The following LRP8 variants were observed in gnomAD, a reference collection of about 807,000 sequenced individuals.
LRP8 encodes the protein LDL receptor related protein 8, also known as low-density lipoprotein receptor-related protein 8.
In LRP8, 46 loss-of-function variants were observed where a neutral mutation model predicts 111.6. The observed-to-expected ratio is 0.41, with a 90% CI of 0.33 to 0.53. The LOEUF (loss-of-function observed/expected upper bound fraction) is 0.53. LRP8 is among the 20% of genes least tolerant of loss of function. The probability of loss-of-function intolerance (pLI) is 0.20; values close to 1 mark genes in which losing one functional copy is unlikely to be tolerated. For missense variants in LRP8, 959 were observed against 1,297.4 expected (o/e 0.74, Z 4.01); for synonymous variants, 464 against 511.2 (o/e 0.91, Z 1.24).
chr1:53,248,370 G>A (rs570318651), intron 18 of LRP8, among the ~76,000 whole-genome samples: 1 of 152,270 alleles, frequency 6.6e-6, no homozygotes, highest in African/African-American at 2.4e-5. Flanking sequence ...CCAAAGATAG[G>A]CCCCAGTAGT....
intron 2 of LRP8, among the ~76,000 whole-genome samples, chr1:53,307,939 G>T (rs1652290732): frequency 6.6e-6 from 1 of 152,192 alleles, no homozygotes; most frequent in African/African-American, 2.4e-5. Context: ...CCTAGCAAGG[G>T]GCTGGGGTCA....
rs534424208 is a variant in LRP8, at chr1:53,243,410, T to C, written c.*3608A>G. ...ATATAAAAAATCTTTGACTCAAATA[T>C]ATGAAAAGCAGTCAGCATTTCCCTT... On this transcript the variant is annotated 3_prime_UTR_variant, in exon 19 of 19. Coordinates refer to ENST00000306052, the MANE Select transcript of LRP8 (RefSeq NM_004631.5). 1.3e-5 allele frequency: 2 copies of C among 152,342 alleles called. No homozygotes were observed. The highest frequency in any genetic ancestry group is 4.8e-5 in the African/African-American group (2 of 41,582). 9.4% of individuals were successfully genotyped at this position (152,342 alleles called of 1,614,324 possible). A position where few individuals can be genotyped will look rare whatever the true frequency, so the allele number is the denominator to read the frequency against.
chr1:53,296,173 C>T (rs1649678516), intron 2 of LRP8, among the ~76,000 whole-genome samples: 1 of 152,240 alleles, frequency 6.6e-6, no homozygotes, highest in Non-Finnish European at 1.5e-5. Context: ...GTCAGCCTTA[C>T]AGGCTCTGAC....
intron 8 of LRP8, chr1:53,267,975 C>A (rs1196506403): frequency 1.3e-5 from 2 of 152,374 alleles, no homozygotes; most frequent in South Asian, 4.1e-4. Context: ...CTTTGCCAAG[C>A]TAATGTGCTC....
Position 53,280,481 on chromosome 1 carries a change from C to A in LRP8, c.496+106G>T, listed in dbSNP as rs116935422. On this transcript the variant is annotated intron_variant, in intron 4 of 18. Transcript: ENST00000306052. Reference sequence around the variant, plus strand: ...CTGATCGTTATCCTTTCCTCTCCACCACCAAGCCCCACGGGGAACTGGGCC... The same window carrying A: ...CTGATCGTTATCCTTTCCTCTCCACAACCAAGCCCCACGGGGAACTGGGCC... 3,183 of 1,452,560 alleles carry A rather than the reference C, an allele frequency of 2.2e-3. 89 individuals are homozygous for A. The East Asian group carries it at 0.063, about 29-fold the overall frequency. The allele number at this position is 1,452,560 out of a possible 1,614,324, so 90.0% of individuals were successfully genotyped here.
chr1:53,263,600 G>A (rs1646430600), intron 10 of LRP8, among the ~76,000 whole-genome samples: 1 of 152,178 alleles, frequency 6.6e-6, no homozygotes, highest in South Asian at 2.1e-4. Context: ...AGGCAACAGG[G>A]GTAGGGATGG....
rs79266393 is a variant in LRP8 at position 53,327,274 on chromosome 1, T to C, written c.125-282A>G. 3.0e-3 allele frequency: 1,340 copies of C among 451,972 alleles called. 16 individuals are homozygous for C. Among genetic ancestry groups the C allele is most frequent in the African/African-American group, 0.024 (1,200 of 49,644 alleles). The allele number at this position is 451,972 out of a possible 1,614,324, so 28.0% of individuals were successfully genotyped here. ...CGCACTCACCCGCACACGCGACCCA[T>C]AGTCAGAGATCTGCTCAGATACAGC... On this transcript the variant is annotated intron_variant, in intron 1 of 18. Coordinates refer to ENST00000306052, the MANE Select transcript of LRP8 (RefSeq NM_004631.5).
At chr1:53,291,145 A>G (rs962199001) in intron 2 of LRP8, among the ~76,000 whole-genome samples, 1 of 152,100 alleles carries the variant, frequency 6.6e-6, no homozygotes, top group Non-Finnish European at 1.5e-5. Flanking sequence ...CTTCATCAGG[A>G]AAAGAGAGGG....
intron 16 of LRP8, among the ~76,000 whole-genome samples, chr1:53,251,113 G>C (rs888877970): frequency 1.3e-5 from 2 of 152,166 alleles, no homozygotes; most frequent in Non-Finnish European, 2.9e-5. Flanking sequence ...GCTCTCTCAT[G>C]TGTGCTCCCA....
At chr1:53,322,688 T>C (rs1230037627) in intron 2 of LRP8, among the ~76,000 whole-genome samples, 1 of 151,944 alleles carries the variant, frequency 6.6e-6, no homozygotes, top group African/African-American at 2.4e-5. Context: ...ACGGGGAGGT[T>C]CAGAAAGGAG....
chr1:53,296,038 A>G (rs1437304634), intron 2 of LRP8, among the ~76,000 whole-genome samples: 4 of 152,182 alleles, frequency 2.6e-5, no homozygotes, highest in Non-Finnish European at 4.4e-5. Context: ...TGGAGCCCAG[A>G]GTGAAGCTGC....
chr1:53,275,524 C>A lies in LRP8; in HGVS notation c.1006+107G>T. 1 of 1,449,912 alleles carries A rather than the reference C, an allele frequency of 6.9e-7. No homozygotes were observed. Among genetic ancestry groups the A allele is most frequent in the South Asian group, 1.3e-5 (1 of 77,906 alleles). The allele number at this position is 1,449,912 out of a possible 1,614,324, so 89.8% of individuals were successfully genotyped here. ...GCAAGTGATGCTCTGGGGGAAAATGCATCTTGGGGACCAAGGGGAAACTCC... is the reference window on the plus strand; with the variant it reads ...GCAAGTGATGCTCTGGGGGAAAATGAATCTTGGGGACCAAGGGGAAACTCC... On this transcript the variant is annotated intron_variant, in intron 6 of 18. Transcript: ENST00000306052. The surrounding 1 kb of genome is among the most constrained non-coding windows in gnomAD (Gnocchi z 4.4).
At chr1:53,254,999 A>G in intron 16 of LRP8, 118 bp downstream of exon 16, 1 of 1,052,792 alleles carries the variant, frequency 9.5e-7, no homozygotes, top group Non-Finnish European at 1.4e-6. Context: ...GTGGGCAGGA[A>G]GGCTGCAAGG....
At position 53,317,599 on chromosome 1, in the gene LRP8, C is replaced by T. The variant is rs1180099162; in HGVS notation, c.244+9274G>A. Among the ~76,000 whole-genome samples the T allele has an allele frequency of 1.3e-5, 2 of 152,180 alleles. No homozygotes were observed. The highest frequency in any genetic ancestry group is 4.8e-5 in the African/African-American group (2 of 41,436). ...GGTGGAGGAGGAGGAAAGCTGAGGACGGTTCCTTTTACTCAGCCATTCCCT... is the reference window on the plus strand; with the variant it reads ...GGTGGAGGAGGAGGAAAGCTGAGGATGGTTCCTTTTACTCAGCCATTCCCT... On this transcript the variant is annotated intron_variant, in intron 2 of 18. Transcript: ENST00000306052. This position sits in a 1 kb window ranked among gnomAD's most constrained non-coding sequence, Gnocchi z 4.9.
At chr1:53,248,249 A>G (rs1572411671) in intron 18 of LRP8, among the ~76,000 whole-genome samples, 1 of 152,192 alleles carries the variant, frequency 6.6e-6, no homozygotes, top group East Asian at 1.9e-4. Flanking sequence ...TCTTTGGGTT[A>G]TCTGTAGTTT....
At position 53,244,498 on chromosome 1, in the gene LRP8, A is replaced by G. The variant is rs1645690495; in HGVS notation, c.*2520T>C. The G allele has an allele frequency of 6.6e-6, 1 of 152,252 alleles. No homozygotes were observed. The highest frequency in any genetic ancestry group is 6.5e-5 in the Admixed American group (1 of 15,286). 9.4% of individuals were successfully genotyped at this position (152,252 alleles called of 1,614,324 possible). ...AGGTGGATCTGACTCCTCAGGTTTC[A>G]TCTTATTTACTGCCGTCCAACACAT... On this transcript the variant is annotated 3_prime_UTR_variant, in exon 19 of 19. Transcript: ENST00000306052.
At chr1:53,265,734 C>G (rs532515072) in intron 9 of LRP8, among the ~76,000 whole-genome samples, 2 of 152,204 alleles carry the variant, frequency 1.3e-5, no homozygotes, top group Non-Finnish European at 2.9e-5. Flanking sequence ...CCCATCTGTC[C>G]CATCATTCTT....
chr1:53,327,246 A>T (rs1655261495), intron 1 of LRP8: 1 of 515,956 alleles, frequency 1.9e-6, no homozygotes, highest in Admixed American at 3.4e-5. Context: ...CCCTCCATTC[A>T]GACGCACTCA....
rs138444597 is a variant in LRP8 at position 53,257,439 on chromosome 1, C to T, written c.2235G>A (p.Thr745=). The T allele has an allele frequency of 8.7e-6, 14 of 1,613,954 alleles. No homozygotes were observed. The highest frequency in any genetic ancestry group is 1.3e-5 in the African/African-American group (1 of 74,894). The change falls in exon 15 of 19, where the codon ACG becomes ACA. Residue 745 remains threonine, a synonymous_variant. Transcript: ENST00000306052. ...CTGTCCTCGTCATGGTAGAAGCTAA[C>T]GTCGTAGTTGAGGTAGATTGAGGTG... ...YRAPQSTSTT[T]LASTMTRTVP... is the part of the protein sequence containing the mutation.
Sources: gnomAD v4.1 joint callset for allele counts (sites outside exome capture counted in the v4.1 genomes callset) on GRCh38, gnomAD v4.1.1 for gene constraint, Gnocchi (gnomAD v3.1) non-coding constraint, MANE v1.5 for transcripts, NCBI Gene and HGNC (gene_info 2026-07-23, HGNC 2026-07-21) for gene names.